The following PRELID2 variants were observed in gnomAD, a reference collection of about 807,000 sequenced individuals.
PRELID2 encodes the protein PRELI domain containing 2.
In PRELID2, 25 loss-of-function variants were observed where a neutral mutation model predicts 28.4. The observed-to-expected ratio is 0.88, with a 90% confidence interval of 0.64 to 1.23. The LOEUF (loss-of-function observed/expected upper bound fraction) is 1.23. PRELID2 is among the 50% of genes most tolerant of loss of function. The pLI is 0.00. For missense variants in PRELID2, 201 were observed against 214.4 expected (o/e 0.94, Z 0.39); for synonymous variants, 76 against 71.6 (o/e 1.06, Z -0.31).
At chr5:145,617,016 G>A (rs918710035) in intron 1 of PRELID2, among the ~76,000 whole-genome samples, 3 of 152,124 alleles carry the variant, frequency 2.0e-5, no homozygotes, top group Non-Finnish European at 4.4e-5. Context: ...AGAATTCAGT[G>A]GTATTTCTCC....
At chr5:145,290,912 G>A in the PRELID2 span, among the ~76,000 whole-genome samples, 1 of 151,580 alleles carries the variant, frequency 6.6e-6, no homozygotes, top group Non-Finnish European at 1.5e-5. Flanking sequence ...AATCCATGCT[G>A]TGGGTTGTCC....
At chr5:145,564,645 C>A (rs1371719076) in intron 1 of PRELID2, among the ~76,000 whole-genome samples, 1 of 152,106 alleles carries the variant, frequency 6.6e-6, no homozygotes. Context: ...TGTTTGTTTT[C>A]TTCCTCTCTC....
intron 2 of PRELID2, among the ~76,000 whole-genome samples, chr5:145,821,152 G>GGTGGGTGTGTGTGTGTGTGT (rs1554100260): frequency 2.4e-4 from 21 of 88,264 alleles, no homozygotes; most frequent in African/African-American, 8.4e-4. Flanking sequence ...AACTCTCCTG[G>GGTGGGTGTGTGTGTGTGTGT]GTGTGTGTGT....
the PRELID2 span, among the ~76,000 whole-genome samples, chr5:145,308,946 A>T: frequency 6.6e-6 from 1 of 152,010 alleles, no homozygotes; most frequent in Non-Finnish European, 1.5e-5. Flanking sequence ...TCCATCCTCG[A>T]CTCCACTCAG....
At chr5:145,537,618 T>C (rs1752710706) in intron 1 of PRELID2, among the ~76,000 whole-genome samples, 1 of 151,916 alleles carries the variant, frequency 6.6e-6, no homozygotes, top group South Asian at 2.1e-4. Context: ...TGTTGTCTTG[T>C]TTTGAGGAAA....
chr5:145,743,713 C>T (rs1307969986), intron 1 of PRELID2, among the ~76,000 whole-genome samples: 1 of 152,190 alleles, frequency 6.6e-6, no homozygotes, highest in Non-Finnish European at 1.5e-5. Context: ...GGCGAAACCA[C>T]GCTACAGAGG....
the PRELID2 span, among the ~76,000 whole-genome samples, chr5:145,339,474 G>T: frequency 6.6e-6 from 1 of 152,296 alleles, no homozygotes; most frequent in African/African-American, 2.4e-5. Context: ...AAGCTGCCTA[G>T]AGGTTGCACA....
At chr5:145,344,974 T>G in the PRELID2 span, among the ~76,000 whole-genome samples, 5 of 152,044 alleles carry the variant, frequency 3.3e-5, no homozygotes, top group African/African-American at 1.2e-4. Flanking sequence ...CAAGTTAGAG[T>G]CTCCTTTTAA....
intron 1 of PRELID2, among the ~76,000 whole-genome samples, chr5:145,616,988 T>C (rs1753707402): frequency 6.6e-6 from 1 of 152,158 alleles, no homozygotes; most frequent in Non-Finnish European, 1.5e-5. Context: ...TTCTCAGGGA[T>C]GTTCCTTGCT....
At chr5:145,369,514 T>C in the PRELID2 span, among the ~76,000 whole-genome samples, 35 of 152,236 alleles carry the variant, frequency 2.3e-4, no homozygotes, top group African/African-American at 7.5e-4. Context: ...CTTTATCCAG[T>C]TTATAATTGT....
intron 1 of PRELID2, among the ~76,000 whole-genome samples, chr5:145,696,042 T>C (rs1308284111): frequency 6.6e-6 from 1 of 152,060 alleles, no homozygotes; most frequent in Non-Finnish European, 1.5e-5. Flanking sequence ...TATCTCGATA[T>C]AACTCTTTCT....
the PRELID2 span, among the ~76,000 whole-genome samples, chr5:145,244,922 C>T: frequency 6.6e-6 from 1 of 152,016 alleles, no homozygotes; most frequent in African/African-American, 2.4e-5. Flanking sequence ...TAAAAGAAAA[C>T]AGAGTTGTTA....
intron 1 of PRELID2, among the ~76,000 whole-genome samples, chr5:145,661,792 C>T (rs1754500694): frequency 6.6e-6 from 1 of 151,592 alleles, no homozygotes; most frequent in Non-Finnish European, 1.5e-5. Flanking sequence ...AGAAAAGGTT[C>T]TGCAAGAATG....
At chr5:145,256,316 T>C in the PRELID2 span, among the ~76,000 whole-genome samples, 51 of 151,080 alleles carry the variant, frequency 3.4e-4, 1 homozygote, top group African/African-American at 1.2e-3. Flanking sequence ...ATATTTATTA[T>C]TTTTTTTAAA....
At chr5:145,410,160 T>C in the PRELID2 span, among the ~76,000 whole-genome samples, 7 of 152,242 alleles carry the variant, frequency 4.6e-5, no homozygotes, top group African/African-American at 1.2e-4. Context: ...ATAAATCAAG[T>C]CAAGATGGAT....
intron 1 of PRELID2, among the ~76,000 whole-genome samples, chr5:145,640,208 CG>C (rs1561528282): frequency 6.6e-6 from 1 of 151,820 alleles, no homozygotes; most frequent in African/African-American, 2.4e-5. Flanking sequence ...GGCCGGCGGC[CG>C]GGCGCGGTGG....
chr5:145,689,957 C>T (rs2149694861), intron 1 of PRELID2, among the ~76,000 whole-genome samples: 1 of 151,580 alleles, frequency 6.6e-6, no homozygotes, highest in African/African-American at 2.4e-5. Flanking sequence ...GTGCCGTTCA[C>T]CTTACTTCCA....
At chr5:145,510,067 G>T (rs1010995700) in intron 1 of PRELID2, among the ~76,000 whole-genome samples, 1 of 152,140 alleles carries the variant, frequency 6.6e-6, no homozygotes. Context: ...TGTCCCAGGG[G>T]AGTATTATCA....
At chr5:145,257,034 G>A in the PRELID2 span, among the ~76,000 whole-genome samples, 1 of 151,782 alleles carries the variant, frequency 6.6e-6, no homozygotes, top group Non-Finnish European at 1.5e-5. Context: ...AACTGGTGAT[G>A]CAGAAAGAAA....
Sources: gnomAD v4.1 joint callset for allele counts (sites outside exome capture counted in the v4.1 genomes callset) on GRCh38, gnomAD v4.1.1 for gene constraint, MANE v1.5 for transcripts, NCBI Gene and HGNC (gene_info 2026-07-23, HGNC 2026-07-21) for gene names.